GRXCR1: variants seen among roughly 807,000 people sequenced by gnomAD.
GRXCR1 encodes glutaredoxin and cysteine rich domain containing 1.
In GRXCR1, 27 loss-of-function variants were observed where a neutral mutation model predicts 27.3. The observed-to-expected ratio is 0.99, with a 90% confidence interval of 0.73 to 1.37. The LOEUF is 1.37. GRXCR1 is among the 40% of genes most tolerant of loss of function. GRXCR1 has a pLI of 0.00. For missense variants in GRXCR1, 379 were observed against 354.4 expected, an observed-to-expected ratio of 1.07 and a Z score of -0.56; for synonymous variants, 122 against 131.1, an observed-to-expected ratio of 0.93 and a Z score of 0.47.
chr4:42,968,927 G>C (rs1748314248), intron 2 of GRXCR1, among the ~76,000 whole-genome samples: 1 of 152,118 alleles, frequency 6.6e-6, no homozygotes, highest in African/African-American at 2.4e-5. Context: ...AGAAAAGAGA[G>C]ATCATAGATA....
chr4:43,006,500 G>T (rs1024343304), intron 2 of GRXCR1, among the ~76,000 whole-genome samples: 3 of 152,118 alleles, frequency 2.0e-5, no homozygotes, highest in African/African-American at 7.2e-5. Flanking sequence ...TCTTATGGTC[G>T]AGACTGCAGG....
intron 1 of GRXCR1, among the ~76,000 whole-genome samples, chr4:42,954,690 A>G (rs1266306209): frequency 6.6e-6 from 1 of 152,188 alleles, no homozygotes; most frequent in Non-Finnish European, 1.5e-5. Context: ...ATAGAGGCAC[A>G]TAGAGAAGTT....
chr4:42,989,083 G>T (rs1431974480), intron 2 of GRXCR1, among the ~76,000 whole-genome samples: 1 of 152,202 alleles, frequency 6.6e-6, no homozygotes, highest in Non-Finnish European at 1.5e-5. Flanking sequence ...TGTGGTGGAA[G>T]AAGATATCAG....
intron 2 of GRXCR1, among the ~76,000 whole-genome samples, chr4:43,018,771 G>T (rs908879318): frequency 2.0e-5 from 3 of 152,114 alleles, no homozygotes; most frequent in Non-Finnish European, 4.4e-5. Context: ...TCTCTTAAAA[G>T]AAATAGAATA....
intron 1 of GRXCR1, among the ~76,000 whole-genome samples, chr4:42,901,244 C>G (rs752221721): frequency 6.6e-5 from 10 of 152,164 alleles, no homozygotes; most frequent in Non-Finnish European, 1.3e-4. Context: ...CCTATTGCTG[C>G]TGAAACAAAT....
At position 42,965,462 on chromosome 4, in the gene GRXCR1, A is replaced by T. The variant is rs565094932; in HGVS notation, c.627+2328A>T. Reference sequence around the variant, plus strand: ...CTGTTTATTTAAATTGCAATGCACGATTGTAAATGGAATACATTGCTTGAA... The same window carrying T: ...CTGTTTATTTAAATTGCAATGCACGTTTGTAAATGGAATACATTGCTTGAA... On this transcript the variant is annotated intron_variant, in intron 2 of 3. Coordinates refer to ENST00000399770, the MANE Select transcript of GRXCR1 (RefSeq NM_001080476.3). 2.0e-4 allele frequency among the ~76,000 whole-genome samples: 30 copies of T among 152,172 alleles called. 2 individuals are homozygous for T. In the South Asian group the frequency reaches 6.2e-3, roughly 31 times the overall value.
intron 1 of GRXCR1, among the ~76,000 whole-genome samples, chr4:42,956,839 A>C (rs1448062334): frequency 6.6e-6 from 1 of 152,022 alleles, no homozygotes; most frequent in Admixed American, 6.6e-5. Flanking sequence ...TTCTTTACTT[A>C]TCATTTTGAA....
chr4:42,986,516 C>G (rs1408952639), intron 2 of GRXCR1, among the ~76,000 whole-genome samples: 1 of 152,116 alleles, frequency 6.6e-6, no homozygotes, highest in Non-Finnish European at 1.5e-5. Context: ...CTGTGGTGCC[C>G]TGGAGATTTC....
intron 1 of GRXCR1, among the ~76,000 whole-genome samples, chr4:42,959,242 T>G (rs1748075911): frequency 6.6e-6 from 1 of 151,914 alleles, no homozygotes; most frequent in African/African-American, 2.4e-5. Flanking sequence ...GATTCAGCCT[T>G]AAAAATGAAA....
intron 1 of GRXCR1, among the ~76,000 whole-genome samples, chr4:42,895,498 T>C (rs1231753232): frequency 6.6e-6 from 1 of 152,146 alleles, no homozygotes; most frequent in Admixed American, 6.6e-5. Context: ...TTTAGTTTCA[T>C]TGTCATCAGC....
chr4:42,930,673 T>C (rs573032486), intron 1 of GRXCR1, among the ~76,000 whole-genome samples: 1 of 152,012 alleles, frequency 6.6e-6, no homozygotes. Context: ...GTTAAAGTTT[T>C]AGTTCCTCTG....
chr4:42,905,898 C>T (rs1449047810), intron 1 of GRXCR1, among the ~76,000 whole-genome samples: 1 of 152,138 alleles, frequency 6.6e-6, no homozygotes, highest in African/African-American at 2.4e-5. Context: ...GATGAACAAA[C>T]AAGCAACAGT....
Position 42,963,138 on chromosome 4 carries a change from A to G in GRXCR1, c.627+4A>G. ...CATTGATGGCCATTACCTTGGGGTA[A>G]GTAAGCTGCCCAGGAAAGTCTTTTT... is the stretch of plus-strand genomic sequence containing the variant. On this transcript the variant is annotated splice_donor_region_variant and intron_variant, in intron 2 of 3. Transcript: ENST00000399770. 1 of 1,612,562 alleles carries G rather than the reference A, an allele frequency of 6.2e-7. No homozygotes were observed. The highest frequency in any genetic ancestry group is 8.5e-7 in the Non-Finnish European group (1 of 1,178,880).
At chr4:42,900,717 A>G (rs10517055) in intron 1 of GRXCR1, among the ~76,000 whole-genome samples, 36,848 of 152,056 alleles carry the variant, frequency 0.24, 5,250 homozygotes, top group Non-Finnish European at 0.32. Context: ...TTAGAGTACC[A>G]AATGAATGGA....
rs1042900297 is a variant in GRXCR1, at chr4:42,986,289, A to G, written c.627+23155A>G. 9.8e-5 allele frequency among the ~76,000 whole-genome samples: 15 copies of G among 152,358 alleles called. No individual in the cohort carries two copies. The East Asian group carries it at 2.3e-3, about 24-fold the overall frequency. On this transcript the variant is annotated intron_variant, in intron 2 of 3. Transcript: ENST00000399770. ...AAATGAAGCAAACCATCTCTCCAGC[A>G]GTAAGACTTAAAATGCTGAAGTGAG...
intron 1 of GRXCR1, among the ~76,000 whole-genome samples, chr4:42,951,502 CTGAG>C (rs1445283367): frequency 1.3e-5 from 2 of 152,192 alleles, no homozygotes; most frequent in Non-Finnish European, 2.9e-5. Context: ...AATAATTAAA[CTGAG>C]TGAGTCTTAG....
At chr4:42,984,027 G>T (rs1460099763) in intron 2 of GRXCR1, among the ~76,000 whole-genome samples, 1 of 151,750 alleles carries the variant, frequency 6.6e-6, no homozygotes, top group Non-Finnish European at 1.5e-5. Context: ...GTAGAGATGG[G>T]TTTTTGCCAT....
chr4:42,946,374 T>C (rs1747744945), intron 1 of GRXCR1, among the ~76,000 whole-genome samples: 1 of 152,314 alleles, frequency 6.6e-6, no homozygotes, highest in East Asian at 1.9e-4. Context: ...TTAAAAAATT[T>C]ATCTTATGTC....
intron 1 of GRXCR1, among the ~76,000 whole-genome samples, chr4:42,903,502 T>C (rs1014972252): frequency 5.5e-5 from 8 of 146,342 alleles, no homozygotes; most frequent in Non-Finnish European, 8.9e-5. Flanking sequence ...TTAGTAGAAA[T>C]GGGGTTTAAC....
Sources: gnomAD v4.1 joint callset for allele counts (sites outside exome capture counted in the v4.1 genomes callset) on GRCh38, gnomAD v4.1.1 for gene constraint, MANE v1.5 for transcripts, NCBI Gene and HGNC (gene_info 2026-07-23, HGNC 2026-07-21) for gene names.